The following PCLO variants were observed in gnomAD, a reference collection of about 807,000 sequenced individuals.
PCLO encodes the protein protein piccolo.
Under a neutral mutation model 427.5 loss-of-function variants are expected in PCLO, and 82 were observed. That is an observed-to-expected ratio of 0.19 (90% CI 0.16 to 0.23). The LOEUF (loss-of-function observed/expected upper bound fraction) is 0.23. Among genes scored for constraint, PCLO ranks in the 10% least tolerant of loss-of-function variants. The pLI, the probability that PCLO is intolerant of heterozygous loss-of-function variation, is 1.00. For synonymous variants in PCLO, 2,357 were observed against 2,155.4 expected (o/e 1.09, Z -2.59); for missense variants, 6,239 against 6,115.9 (o/e 1.02, Z -0.67).
At chr7:83,047,519 A>T (rs1191016220) in intron 3 of PCLO, among the ~76,000 whole-genome samples, 2 of 152,054 alleles carry the variant, frequency 1.3e-5, no homozygotes, top group African/African-American at 2.4e-5. Flanking sequence ...TTGAGTTGAA[A>T]ATCCACTTCT....
At chr7:82,775,993 T>G (rs1790741353) in intron 22 of PCLO, among the ~76,000 whole-genome samples, 1 of 152,210 alleles carries the variant, frequency 6.6e-6, no homozygotes, top group African/African-American at 2.4e-5. Flanking sequence ...ATATCATTAT[T>G]GTTGTTACTG....
intron 10 of PCLO, among the ~76,000 whole-genome samples, chr7:82,877,442 T>C (rs942785473): frequency 4.6e-5 from 7 of 152,180 alleles, no homozygotes; most frequent in Admixed American, 2.0e-4. Context: ...ATCACTCTCA[T>C]CCTTAAAAAT....
chr7:83,117,824 T>TAA (rs1370227954), intron 3 of PCLO, among the ~76,000 whole-genome samples: 1 of 152,178 alleles, frequency 6.6e-6, no homozygotes, highest in East Asian at 1.9e-4. Context: ...ACAGGTTAAC[T>TAA]TATTAGTGAA....
chr7:83,032,420 TCCTTC>T (rs1383224782), intron 3 of PCLO, among the ~76,000 whole-genome samples: 3 of 137,108 alleles, frequency 2.2e-5, no homozygotes, highest in Non-Finnish European at 3.1e-5. Context: ...CTCCTTCCCT[TCCTTC>T]CCTTCCTTCC....
chr7:82,840,585 T>C (rs942903399), intron 14 of PCLO, among the ~76,000 whole-genome samples: 3 of 152,070 alleles, frequency 2.0e-5, no homozygotes, highest in Non-Finnish European at 1.5e-5. Flanking sequence ...TCTTCAACCA[T>C]TACTCTCGGA....
At chr7:82,912,669 CAAA>C (rs142083799) in intron 7 of PCLO, among the ~76,000 whole-genome samples, 1 of 151,944 alleles carries the variant, frequency 6.6e-6, no homozygotes, top group African/African-American at 2.4e-5. Flanking sequence ...TCTATTTTAT[CAAA>C]ACAATGTTTT....
At chr7:82,820,779 T>C (rs564086468) in intron 20 of PCLO, 17 of 1,231,446 alleles carry the variant, frequency 1.4e-5, no homozygotes, top group African/African-American at 1.5e-5. Context: ...TTTAAACTTT[T>C]ATCACAATGA....
intron 3 of PCLO, among the ~76,000 whole-genome samples, chr7:82,978,864 A>G (rs1444588836): frequency 3.3e-5 from 4 of 122,962 alleles, no homozygotes; most frequent in African/African-American, 1.1e-4. Context: ...ACAAACACAC[A>G]CACACACACA....
At chr7:82,897,646 C>G (rs1327141562) in intron 9 of PCLO, among the ~76,000 whole-genome samples, 1 of 151,362 alleles carries the variant, frequency 6.6e-6, no homozygotes, top group Non-Finnish European at 1.5e-5. Context: ...TGTGTTCACT[C>G]TATTAATCTA....
rs1427328223 is a variant in PCLO, at chr7:82,979,507, T to TGG, written c.3301-13021_3301-13020insCC. Reference sequence around the variant, plus strand: ...TGATGCATAAATAAAATATTTACTATTTGCTTTGCTACCTGGTTCCTAACA... The same window carrying TGG: ...TGATGCATAAATAAAATATTTACTATGGTTGCTTTGCTACCTGGTTCCTAACA... On this transcript the variant is annotated intron_variant, in intron 3 of 24. Coordinates refer to ENST00000333891, the MANE Select transcript of PCLO (RefSeq NM_033026.6). Among the ~76,000 whole-genome samples, 4 of 152,290 alleles carry TGG rather than the reference T, an allele frequency of 2.6e-5. No homozygotes were observed. The East Asian group carries it at 7.7e-4, about 29-fold the overall frequency.
chr7:82,994,842 G>C (rs1796460010), intron 3 of PCLO, among the ~76,000 whole-genome samples: 1 of 152,060 alleles, frequency 6.6e-6, no homozygotes, highest in African/African-American at 2.4e-5. Flanking sequence ...AGTAATTTGA[G>C]AAAGAAAGTA....
intron 3 of PCLO, among the ~76,000 whole-genome samples, chr7:83,040,845 T>C (rs1788956853): frequency 6.6e-6 from 1 of 152,168 alleles, no homozygotes; most frequent in South Asian, 2.1e-4. Flanking sequence ...CCAAGAACAA[T>C]GGCTACCTAA....
intron 22 of PCLO, among the ~76,000 whole-genome samples, chr7:82,775,911 A>T (rs77557813): frequency 0.015 from 2,329 of 152,240 alleles, 20 homozygotes; most frequent in South Asian, 0.039. Context: ...ACTTTTTTGC[A>T]TGTGGAGGTC....
intron 3 of PCLO, among the ~76,000 whole-genome samples, chr7:83,091,753 A>G (rs1469226327): frequency 6.6e-6 from 1 of 152,182 alleles, no homozygotes; most frequent in Non-Finnish European, 1.5e-5. Flanking sequence ...AAATCATGGA[A>G]GAAATAAGGT....
chr7:82,785,486 G>A (rs994678692), intron 22 of PCLO, among the ~76,000 whole-genome samples: 78 of 152,246 alleles, frequency 5.1e-4, no homozygotes, highest in African/African-American at 1.8e-3. Flanking sequence ...AAAGTTATAA[G>A]CTAAGAAATT....
chr7:83,131,696 G>A (rs981549537), intron 3 of PCLO, among the ~76,000 whole-genome samples: 2 of 151,996 alleles, frequency 1.3e-5, no homozygotes, highest in East Asian at 1.9e-4. Context: ...TCCCCTCTGA[G>A]ACTGGCATGG....
chr7:82,924,616 G>T (rs370487865), intron 6 of PCLO, among the ~76,000 whole-genome samples: 2 of 152,088 alleles, frequency 1.3e-5, no homozygotes, highest in Non-Finnish European at 1.5e-5. Context: ...CTAGTATGTT[G>T]TTAAAATTGT....
chr7:82,870,632 A>G (rs1793211180), intron 10 of PCLO, among the ~76,000 whole-genome samples: 1 of 152,068 alleles, frequency 6.6e-6, no homozygotes, highest in African/African-American at 2.4e-5. Flanking sequence ...AAAGGAAACA[A>G]TCAACAAAGT....
intron 2 of PCLO, among the ~76,000 whole-genome samples, chr7:83,136,815 GC>G (rs1226951986): frequency 6.6e-6 from 1 of 151,962 alleles, no homozygotes; most frequent in Non-Finnish European, 1.5e-5. Context: ...ATATGCAAAT[GC>G]TTTTTTGCAT....
Sources: allele counts gnomAD v4.1 joint callset (sites outside exome capture counted in the v4.1 genomes callset), GRCh38; gene constraint gnomAD v4.1.1; transcripts MANE v1.5; gene names NCBI Gene and HGNC (gene_info 2026-07-23, HGNC 2026-07-21).